The following SHC2 variants were observed in gnomAD, a reference collection of about 807,000 sequenced individuals.
SHC2 encodes the protein SHC-transforming protein 2.
SHC2 carries 62 observed loss-of-function variants against 60.6 expected under a neutral mutation model. The observed-to-expected ratio is 1.02, with a 90% CI of 0.83 to 1.26. The LOEUF (loss-of-function observed/expected upper bound fraction) is 1.26, where lower values mean the gene tolerates loss of function less well. SHC2 is among the 50% of genes most tolerant of loss of function. The pLI is 0.00. For missense variants in SHC2, 873 were observed against 822.2 expected, an observed-to-expected ratio of 1.06 and a Z score of -0.76; for synonymous variants, 375 against 372.4, an observed-to-expected ratio of 1.01 and a Z score of -0.08.
At chr19:444,530 G>C (rs1368589497) in intron 1 of SHC2, among the ~76,000 whole-genome samples, 1 of 152,170 alleles carries the variant, frequency 6.6e-6, no homozygotes, top group East Asian at 1.9e-4. Flanking sequence ...GCACGGGGGA[G>C]GTGGGGGGCA....
Position 460,900 on chromosome 19 carries a change from G to A in SHC2, c.97C>T (p.Pro33Ser), listed in dbSNP as rs1319115142. 2.0e-6 allele frequency: 2 copies of A among 991,242 alleles called. No homozygotes were observed. Among genetic ancestry groups the A allele is most frequent in the Non-Finnish European group, 1.2e-6 (1 of 835,092 alleles). 61.4% of individuals were successfully genotyped at this position (991,242 alleles called of 1,614,324 possible). Residue 33 changes from proline (P) to serine (S), a missense_variant, in exon 1 of 13, where the codon CCG becomes TCG. Coordinates refer to ENST00000264554, the MANE Select transcript of SHC2 (RefSeq NM_012435.3). ...TTFCALLPRM[P>S]QWKFAAPGGF... Reference sequence around the variant, plus strand: ...CCCGGGGCCGCGAACTTCCACTGCGGCATTCGGGGCAGCAACGCGCAGAAG... The same window carrying A: ...CCCGGGGCCGCGAACTTCCACTGCGACATTCGGGGCAGCAACGCGCAGAAG...
chr19:443,454 A>G (rs1405845789), intron 1 of SHC2, among the ~76,000 whole-genome samples: 1 of 132,642 alleles, frequency 7.5e-6, no homozygotes, highest in African/African-American at 2.9e-5. Context: ...GGATGGTTGG[A>G]TGGGTGGACA....
Position 447,869 on chromosome 19 carries a change from T to G in SHC2, c.469-6937A>C, listed in dbSNP as rs976044798. 3.3e-5 allele frequency among the ~76,000 whole-genome samples: 5 copies of G among 152,166 alleles called. No individual in the cohort carries two copies. In the South Asian group the frequency reaches 8.3e-4, roughly 25 times the overall value. ...TTTTCCATTAAAATAAATATATTAATAAAATGAAAAGTGTCCATTCACACA... is the reference window on the plus strand; with the variant it reads ...TTTTCCATTAAAATAAATATATTAAGAAAATGAAAAGTGTCCATTCACACA... On this transcript the variant is annotated intron_variant, in intron 1 of 12. Transcript: ENST00000264554.
chr19:455,545 C>T (rs1056901761), intron 1 of SHC2, among the ~76,000 whole-genome samples: 3 of 152,262 alleles, frequency 2.0e-5, no homozygotes, highest in Non-Finnish European at 2.9e-5. Context: ...TTCTCTCCCA[C>T]ACACCGGGAT....
rs1353889416 is a variant in SHC2, at chr19:425,866, T to G, written c.1175-635A>C. On this transcript the variant is annotated intron_variant, in intron 9 of 12. Coordinates refer to ENST00000264554, the MANE Select transcript of SHC2 (RefSeq NM_012435.3). The surrounding 1 kb of genome is among the most constrained non-coding windows in gnomAD (Gnocchi z 4.1). ...CAACATGGTGAAACCCCGTCTCTAC[T>G]AAAAATGCAAAAATTAGCTAGGCGT... Among the ~76,000 whole-genome samples the G allele has an allele frequency of 6.6e-6, 1 of 152,002 alleles. No individual in the cohort carries two copies. The highest frequency in any genetic ancestry group is 1.5e-5 in the Non-Finnish European group (1 of 67,982).
At chr19:420,971 A>C (rs965455398) in intron 11 of SHC2, among the ~76,000 whole-genome samples, 1 of 151,754 alleles carries the variant, frequency 6.6e-6, no homozygotes, top group African/African-American at 2.4e-5. Flanking sequence ...AATCGCTTGA[A>C]CCCGGGAAGT....
rs1363324670 is a variant in SHC2, at chr19:422,554, C to T, written c.1310-98G>A. On this transcript the variant is annotated intron_variant, in intron 10 of 12. Coordinates refer to ENST00000264554, the MANE Select transcript of SHC2 (RefSeq NM_012435.3). This position sits in a 1 kb window ranked among gnomAD's most constrained non-coding sequence, Gnocchi z 5.0. ...GAAACGGGTTCCCCGGGGAGTCCCT[C>T]GTGCACCCGTCGGCCTGCGCTGACC... The T allele has an allele frequency of 3.8e-6, 4 of 1,039,280 alleles. No homozygotes were observed. The African/African-American group carries it at 4.9e-5, about 13-fold the overall frequency. 64.4% of individuals were successfully genotyped at this position (1,039,280 alleles called of 1,614,324 possible). A position where few individuals can be genotyped will look rare whatever the true frequency, so the allele number is the denominator to read the frequency against.
chr19:451,926 T>C (rs966578825), intron 1 of SHC2, among the ~76,000 whole-genome samples: 1 of 152,194 alleles, frequency 6.6e-6, no homozygotes, highest in Non-Finnish European at 1.5e-5. Context: ...TGGACTAAAA[T>C]AGTTGTTCAC....
In SHC2 at chr19:453,068, C is replaced by T. The variant is rs1031184903; in HGVS notation, c.468+7461G>A. Reference sequence around the variant, plus strand: ...CCAGCGACGTCGGGTGCTGTGGCCACCATTTTGTGACCCTGAAGGTCGCCA... The same window carrying T: ...CCAGCGACGTCGGGTGCTGTGGCCATCATTTTGTGACCCTGAAGGTCGCCA... On this transcript the variant is annotated intron_variant, in intron 1 of 12. Coordinates refer to ENST00000264554, the MANE Select transcript of SHC2 (RefSeq NM_012435.3). The surrounding 1 kb of genome is among the most constrained non-coding windows in gnomAD (Gnocchi z 6.3). 2 of 152,142 alleles carry T rather than the reference C, an allele frequency of 1.3e-5. No individual in the cohort carries two copies. Among genetic ancestry groups the T allele is most frequent in the African/African-American group, 4.8e-5 (2 of 41,426 alleles). 9.4% of individuals were successfully genotyped at this position (152,142 alleles called of 1,614,324 possible).
At chr19:418,792 G>A (rs1269902753) in intron 12 of SHC2, 131 bp downstream of exon 12, 6 of 1,030,150 alleles carry the variant, frequency 5.8e-6, no homozygotes, top group African/African-American at 1.6e-5. Context: ...GCACGGCTCG[G>A]ATGCTGAACA....
At chr19:456,704 GC>G (rs772903401) in intron 1 of SHC2, among the ~76,000 whole-genome samples, 5 of 150,922 alleles carry the variant, frequency 3.3e-5, no homozygotes, top group Non-Finnish European at 5.9e-5. Flanking sequence ...CACCTGCTGT[GC>G]CCCCCCTAGA....
At chr19:456,104 G>A (rs574438259) in intron 1 of SHC2, among the ~76,000 whole-genome samples, 5 of 152,308 alleles carry the variant, frequency 3.3e-5, no homozygotes, top group African/African-American at 7.2e-5. Context: ...GACACAGCTC[G>A]GCCTCTCTGT....
At chr19:448,787 C>T (rs1975106955) in intron 1 of SHC2, among the ~76,000 whole-genome samples, 1 of 152,154 alleles carries the variant, frequency 6.6e-6, no homozygotes, top group Non-Finnish European at 1.5e-5. Flanking sequence ...GCCCAGCAGC[C>T]GGTGTGCACT....
chr19:460,544 G>T lies in SHC2; in HGVS notation c.453C>A (p.Val151=). Reference sequence around the variant, plus strand: ...GGGGACTCACCCGCACGACGTAGGAGACCCCGGGCCCCAGGACCCTGGCGT... The same window carrying T: ...GGGGACTCACCCGCACGACGTAGGATACCCCGGGCCCCAGGACCCTGGCGT... ...HPDARVLGPG[V]SYVVRYMGCI... is the part of the protein sequence containing the mutation. Residue 151 remains valine, a synonymous_variant, in exon 1 of 13, where the codon GTC becomes GTA. Transcript: ENST00000264554. 7.2e-7 allele frequency: 1 copy of T among 1,394,708 alleles called. No individual in the cohort carries two copies. The highest frequency in any genetic ancestry group is 9.4e-7 in the Non-Finnish European group (1 of 1,068,714). The allele number at this position is 1,394,708 out of a possible 1,614,324, so 86.4% of individuals were successfully genotyped here. A position where few individuals can be genotyped will look rare whatever the true frequency, so the allele number is the denominator to read the frequency against.
At chr19:435,134 C>G (rs992704361) in intron 7 of SHC2, among the ~76,000 whole-genome samples, 1 of 152,262 alleles carries the variant, frequency 6.6e-6, no homozygotes, top group African/African-American at 2.4e-5. Flanking sequence ...TTTCTGCCCA[C>G]CTCCGGCCCC....
rs145753543 is a variant in SHC2 at position 422,512 on chromosome 19, C to T, written c.1310-56G>A. 2,116 of 1,411,006 alleles carry T rather than the reference C, an allele frequency of 1.5e-3. 10 individuals carry two copies. In the African/African-American group the frequency reaches 0.016, roughly 10 times the overall value. The allele number at this position is 1,411,006 out of a possible 1,614,324, so 87.4% of individuals were successfully genotyped here. On this transcript the variant is annotated intron_variant, in intron 10 of 12. Transcript: ENST00000264554. This position sits in a 1 kb window ranked among gnomAD's most constrained non-coding sequence, Gnocchi z 5.0. ...GCAGGGGGCAAGCAGCTACTCCTGC[C>T]GGGACCAGAGCTGGGAGAAACGGGT... is the stretch of plus-strand genomic sequence containing the variant.
At chr19:436,134 C>G (rs759270366) in intron 7 of SHC2, 31 bp downstream of exon 7, 1 of 1,607,290 alleles carries the variant, frequency 6.2e-7, no homozygotes, top group Admixed American at 1.7e-5. Flanking sequence ...TGGGGGTGTC[C>G]CCAGGGCACG....
intron 10 of SHC2, among the ~76,000 whole-genome samples, chr19:423,734 G>A (rs1444170779): frequency 1.3e-5 from 2 of 152,230 alleles, no homozygotes; most frequent in African/African-American, 4.8e-5. Flanking sequence ...CAGTCAGCAT[G>A]TTCACCTCCC....
rs1185118473 is a variant in SHC2, at chr19:440,008, A to G, written c.539+854T>C. ...GTCACTGCACTCCAGCCTGGGCAACAGAGTGAGACTCCATCTCAAAAAAAA... is the reference window on the plus strand; with the variant it reads ...GTCACTGCACTCCAGCCTGGGCAACGGAGTGAGACTCCATCTCAAAAAAAA... On this transcript the variant is annotated intron_variant, in intron 2 of 12. Coordinates refer to ENST00000264554, the MANE Select transcript of SHC2 (RefSeq NM_012435.3). The surrounding 1 kb of genome is among the most constrained non-coding windows in gnomAD (Gnocchi z 7.0). 6.8e-6 allele frequency among the ~76,000 whole-genome samples: 1 copy of G among 147,642 alleles called. No homozygotes were observed. The highest frequency in any genetic ancestry group is 1.5e-5 in the Non-Finnish European group (1 of 67,390).
Sources: gnomAD v4.1 joint callset for allele counts (sites outside exome capture counted in the v4.1 genomes callset) on GRCh38, gnomAD v4.1.1 for gene constraint, Gnocchi (gnomAD v3.1) non-coding constraint, MANE v1.5 for transcripts, NCBI Gene and HGNC (gene_info 2026-07-23, HGNC 2026-07-21) for gene names.